GRIA1: variants seen among roughly 807,000 people sequenced by gnomAD.
The protein encoded by GRIA1 is glutamate receptor 1.
A neutral mutation model predicts 99.2 loss-of-function variants in GRIA1; 31 were observed. The ratio of observed to expected loss-of-function variants is 0.31; its 90% CI spans 0.23 to 0.42. The LOEUF is 0.42. Ranked by LOEUF, GRIA1 falls within the 10% of genes least tolerant of loss-of-function variation. The pLI, the probability that GRIA1 is intolerant of heterozygous loss-of-function variation, is 1.00. For missense variants in GRIA1, 782 were observed against 1,157.5 expected, an observed-to-expected ratio of 0.68 and a Z score of 4.71; for synonymous variants, 438 against 432.4, an observed-to-expected ratio of 1.01 and a Z score of -0.16.
intron 13 of GRIA1, among the ~76,000 whole-genome samples, chr5:153,772,589 T>C (rs1763953275): frequency 1.3e-5 from 2 of 152,150 alleles, no homozygotes; most frequent in South Asian, 4.1e-4. Context: ...CCTGGAGAAG[T>C]GTAGACATAA....
chr5:153,655,780 T>TAGCCACGAC (rs1754899379), intron 4 of GRIA1, 39 bp from the exon 5 acceptor site: 6 of 1,572,128 alleles, frequency 3.8e-6, no homozygotes, highest in Admixed American at 1.7e-5. Flanking sequence ...CTTTAACTGT[T>TAGCCACGAC]AGTATGATTA....
rs149002538 is a variant in GRIA1 at position 153,752,083 on chromosome 5, C to A, written c.1824-12351C>A. Among the ~76,000 whole-genome samples, 250 of 152,292 alleles carry A rather than the reference C, an allele frequency of 1.6e-3. 1 individual carries two copies. Among genetic ancestry groups the A allele is most frequent in the African/African-American group, 5.8e-3 (240 of 41,536 alleles). On this transcript the variant is annotated intron_variant, in intron 11 of 15. Coordinates refer to ENST00000285900, the MANE Select transcript of GRIA1 (RefSeq NM_000827.4). ...TTAATCAATAAATACCATAAACAAT[C>A]ATGATAGTAACACCTTAAATCAATA...
At chr5:153,522,591 G>A (rs1757248479) in intron 2 of GRIA1, among the ~76,000 whole-genome samples, 1 of 152,108 alleles carries the variant, frequency 6.6e-6, no homozygotes, top group Non-Finnish European at 1.5e-5. Context: ...GTGGGGAGAG[G>A]CATTGCTCCT....
At chr5:153,662,947 C>T (rs1755477263) in intron 5 of GRIA1, among the ~76,000 whole-genome samples, 1 of 152,168 alleles carries the variant, frequency 6.6e-6, no homozygotes, top group African/African-American at 2.4e-5. Flanking sequence ...CCCACACAGC[C>T]TTCCCTCTCC....
chr5:153,578,527 A>G (rs33998489), intron 2 of GRIA1, among the ~76,000 whole-genome samples: 16,161 of 152,228 alleles, frequency 0.11, 955 homozygotes, highest in South Asian at 0.25. Flanking sequence ...ACAGGCCATG[A>G]AAAGAAGAGT....
intron 5 of GRIA1, among the ~76,000 whole-genome samples, chr5:153,665,675 C>T (rs1755692327): frequency 6.6e-6 from 1 of 152,200 alleles, no homozygotes; most frequent in Non-Finnish European, 1.5e-5. Flanking sequence ...TAGATCAAAG[C>T]TGGAAGAGCC....
intron 2 of GRIA1, among the ~76,000 whole-genome samples, chr5:153,511,943 G>A (rs1181390538): frequency 6.6e-6 from 1 of 152,208 alleles, no homozygotes; most frequent in African/African-American, 2.4e-5. Context: ...CCTACCTGCA[G>A]ATGTCTACCC....
At chr5:153,664,880 C>A (rs17114975) in intron 5 of GRIA1, among the ~76,000 whole-genome samples, 3 of 152,122 alleles carry the variant, frequency 2.0e-5, no homozygotes, top group African/African-American at 4.8e-5. Context: ...AGGTGTAAAC[C>A]GGCTTTTCAT....
intron 2 of GRIA1, among the ~76,000 whole-genome samples, chr5:153,518,825 G>A (rs1439650853): frequency 6.6e-6 from 1 of 152,172 alleles, no homozygotes; most frequent in African/African-American, 2.4e-5. Context: ...ACTGGGCCAT[G>A]GGGACAGTTA....
chr5:153,698,551 C>T (rs1561778928), intron 9 of GRIA1, among the ~76,000 whole-genome samples: 1 of 151,928 alleles, frequency 6.6e-6, no homozygotes, highest in Non-Finnish European at 1.5e-5. Context: ...AAACCTGGAG[C>T]CTGTTTAGGG....
intron 7 of GRIA1, among the ~76,000 whole-genome samples, chr5:153,681,623 C>G (rs758767880): frequency 5.9e-5 from 9 of 152,138 alleles, no homozygotes; most frequent in Non-Finnish European, 1.3e-4. Context: ...TCTGGGGGAT[C>G]TTGGACTAAT....
At chr5:153,590,506 ATGTGTGTGTGTGTGTG>A (rs5872325) in intron 2 of GRIA1, among the ~76,000 whole-genome samples, 53,522 of 147,818 alleles carry the variant, frequency 0.36, 12,170 homozygotes, top group Non-Finnish European at 0.51. Context: ...AGCTATTGAA[ATGTGTGTGTGTGTGTG>A]TGTGTGTGTG....
At chr5:153,800,303 T>C (rs1460292033) in intron 14 of GRIA1, among the ~76,000 whole-genome samples, 2 of 152,142 alleles carry the variant, frequency 1.3e-5, no homozygotes, top group East Asian at 3.9e-4. Context: ...GGAACTTCTG[T>C]GAACTCTAAG....
chr5:153,769,429 T>C (rs139704123), intron 12 of GRIA1, among the ~76,000 whole-genome samples: 34 of 152,188 alleles, frequency 2.2e-4, no homozygotes, highest in African/African-American at 8.2e-4. Context: ...ATTTATTCTG[T>C]TCTATGAAAC....
At chr5:153,549,770 T>C (rs748261361) in intron 2 of GRIA1, among the ~76,000 whole-genome samples, 2 of 152,192 alleles carry the variant, frequency 1.3e-5, no homozygotes, top group Non-Finnish European at 2.9e-5. Flanking sequence ...TTTTTTCTAC[T>C]GTTATGATGC....
At chr5:153,614,797 C>A (rs1420835531) in intron 2 of GRIA1, among the ~76,000 whole-genome samples, 1 of 152,164 alleles carries the variant, frequency 6.6e-6, no homozygotes, top group Non-Finnish European at 1.5e-5. Context: ...TTAACAAATT[C>A]ATTTATTGCT....
intron 11 of GRIA1, among the ~76,000 whole-genome samples, chr5:153,724,933 GA>G (rs1350829048): frequency 6.6e-6 from 1 of 152,102 alleles, no homozygotes; most frequent in Non-Finnish European, 1.5e-5. Context: ...GCAACTCCAA[GA>G]CACGTAATTG....
chr5:153,523,741 A>G (rs982020897), intron 2 of GRIA1, among the ~76,000 whole-genome samples: 1 of 152,176 alleles, frequency 6.6e-6, no homozygotes, highest in Non-Finnish European at 1.5e-5. Context: ...ATAGTGACCT[A>G]CATATAGGAG....
rs557366843 is a variant in GRIA1, at chr5:153,793,441, C to A, written c.2271-1180C>A. Reference sequence around the variant, plus strand: ...CACTGGGCCTCAACTTAAGGTGATACCATCATCAGAGTAATCCTTAGGAGA... The same window carrying A: ...CACTGGGCCTCAACTTAAGGTGATAACATCATCAGAGTAATCCTTAGGAGA... On this transcript the variant is annotated intron_variant, in intron 13 of 15. Transcript: ENST00000285900. Among the ~76,000 whole-genome samples the A allele has an allele frequency of 2.0e-5, 3 of 152,238 alleles. No homozygotes were observed. The East Asian group carries it at 5.8e-4, about 29-fold the overall frequency.
Sources: gnomAD v4.1 joint callset for allele counts (sites outside exome capture counted in the v4.1 genomes callset) on GRCh38, gnomAD v4.1.1 for gene constraint, MANE v1.5 for transcripts, NCBI Gene and HGNC (gene_info 2026-07-23, HGNC 2026-07-21) for gene names.